Variants in HIVEP3 observed in about 807,000 individuals in gnomAD.
HIVEP3 encodes the protein transcription factor HIVEP3.
HIVEP3 carries 49 observed loss-of-function variants against 152.8 expected under a neutral mutation model. That is an observed-to-expected ratio of 0.32 (90% confidence interval 0.26 to 0.41). The LOEUF is 0.41. HIVEP3 is among the 10% of genes least tolerant of loss of function. The pLI, the probability that HIVEP3 is intolerant of heterozygous loss-of-function variation, is 1.00. For missense variants in HIVEP3, 2,790 were observed against 3,103.3 expected (o/e 0.90, Z 2.40); for synonymous variants, 1,269 against 1,289.0 (o/e 0.98, Z 0.33).
chr1:41,999,426 C>T (rs953437072), intron 1 of HIVEP3, among the ~76,000 whole-genome samples: 2 of 152,022 alleles, frequency 1.3e-5, no homozygotes, highest in Non-Finnish European at 2.9e-5. Context: ...TAATGGGCAC[C>T]TCTCTACAGT....
chr1:41,552,982 G>C (rs1643912652), intron 5 of HIVEP3, among the ~76,000 whole-genome samples: 1 of 152,208 alleles, frequency 6.6e-6, no homozygotes, highest in African/African-American at 2.4e-5. Flanking sequence ...CTGTTGATTT[G>C]GGATGGAGAG....
At chr1:42,016,390 A>G (rs1645523266) in intron 1 of HIVEP3, among the ~76,000 whole-genome samples, 2 of 152,210 alleles carry the variant, frequency 1.3e-5, no homozygotes, top group Admixed American at 6.5e-5. Flanking sequence ...ATATACAGAC[A>G]AAATTTAATA....
chr1:41,602,542 G>A (rs1343027910), intron 3 of HIVEP3, among the ~76,000 whole-genome samples: 1 of 151,982 alleles, frequency 6.6e-6, no homozygotes, highest in African/African-American at 2.4e-5. Context: ...GTTCATAGTA[G>A]TCTCTTATCC....
At chr1:41,568,063 C>T (rs1644194509) in intron 5 of HIVEP3, among the ~76,000 whole-genome samples, 1 of 152,228 alleles carries the variant, frequency 6.6e-6, no homozygotes, top group South Asian at 2.1e-4. Context: ...AGATATTCCC[C>T]AGCACTGCCT....
chr1:41,818,445 T>C (rs1241077672), intron 1 of HIVEP3, among the ~76,000 whole-genome samples: 1 of 152,174 alleles, frequency 6.6e-6, no homozygotes, highest in East Asian at 1.9e-4. Context: ...CTCCCAGATG[T>C]AAATCCCTGG....
At chr1:41,559,461 T>C (rs1301971580) in intron 5 of HIVEP3, among the ~76,000 whole-genome samples, 2 of 152,094 alleles carry the variant, frequency 1.3e-5, no homozygotes, top group East Asian at 3.9e-4. Context: ...CTTTCCTCCT[T>C]TGCTCAGGAT....
Position 41,513,224 on chromosome 1 carries a change from CG to C in HIVEP3, c.5996del (p.Pro1999ArgfsTer189). 2 of 1,613,578 alleles carry C rather than the reference CG, an allele frequency of 1.2e-6. No individual in the cohort carries two copies. Among genetic ancestry groups the C allele is most frequent in the Non-Finnish European group, 1.7e-6 (2 of 1,179,904 alleles). On this transcript the variant is annotated frameshift_variant, in exon 8 of 9. Coordinates refer to ENST00000372583, the MANE Select transcript of HIVEP3 (RefSeq NM_024503.5). LOFTEE classifies it high-confidence loss of function. Reference sequence around the variant, plus strand: ...GGGCTGAGGCCTGTGGTTCTCGGGCCGGGGAGCATCGCTGGGGAGATGAGTC... The same window carrying C: ...GGGCTGAGGCCTGTGGTTCTCGGGCCGGGAGCATCGCTGGGGAGATGAGTC... Reference protein sequence around the residue: ...KNDSSPQRCSPAREPQASAPS... With the variant: ...KNDSSPQRCSXAREPQASAPS...
At chr1:41,526,054 G>T (rs564827100) in intron 5 of HIVEP3, among the ~76,000 whole-genome samples, 1 of 152,182 alleles carries the variant, frequency 6.6e-6, no homozygotes, top group South Asian at 2.1e-4. Flanking sequence ...GCACAGAGGG[G>T]CAGGAGGTGG....
intron 1 of HIVEP3, among the ~76,000 whole-genome samples, chr1:41,801,458 C>T (rs1358264158): frequency 6.6e-6 from 1 of 152,156 alleles, no homozygotes; most frequent in Non-Finnish European, 1.5e-5. Flanking sequence ...CCTGAGAATG[C>T]CCCCCAGGTA....
At chr1:41,520,204 G>A (rs538903293) in intron 6 of HIVEP3, among the ~76,000 whole-genome samples, 15 of 152,280 alleles carry the variant, frequency 9.9e-5, no homozygotes, top group African/African-American at 3.4e-4. Context: ...TTGCTAAGAG[G>A]TTAATGGGGG....
intron 5 of HIVEP3, among the ~76,000 whole-genome samples, chr1:41,561,890 C>G (rs1001925): frequency 6.6e-6 from 1 of 151,928 alleles, no homozygotes; most frequent in Non-Finnish European, 1.5e-5. Context: ...TATGATGTGC[C>G]GTCCACACAT....
At chr1:41,824,784 T>TATATAGAGAGAGAG (rs1553266584) in intron 1 of HIVEP3, among the ~76,000 whole-genome samples, 20 of 11,364 alleles carry the variant, frequency 1.8e-3, no homozygotes, top group Non-Finnish European at 2.3e-3. Context: ...TATATATATA[T>TATATAGAGAGAGAG]AGAGAGAGAG....
At chr1:41,933,974 T>C (rs750549664) in intron 1 of HIVEP3, among the ~76,000 whole-genome samples, 1 of 152,142 alleles carries the variant, frequency 6.6e-6, no homozygotes, top group Non-Finnish European at 1.5e-5. Context: ...TCAGATGTAA[T>C]GGGATTTCAC....
intron 1 of HIVEP3, among the ~76,000 whole-genome samples, chr1:41,881,481 C>T (rs574037710): frequency 4.6e-5 from 7 of 152,242 alleles, no homozygotes; most frequent in East Asian, 3.9e-4. Context: ...GTTCTAAAAA[C>T]GATATGCTGA....
rs1320818999 is a variant in HIVEP3 at position 41,584,311 on chromosome 1, C to T, written c.487G>A (p.Val163Ile). 6.2e-7 allele frequency: 1 copy of T among 1,613,782 alleles called. No homozygotes were observed. Reference protein sequence around the residue: ...PPEDLPGVPKVFVPRPSQVSL... With the variant: ...PPEDLPGVPKIFVPRPSQVSL... ...ACCTGGGAAGGACGAGGCACGAAGA[C>T]TTTGGGGACTCCAGGAAGGTCCTCG... The change falls in exon 4 of 9, where the codon GTC (valine) becomes ATC (isoleucine). Residue 163 changes from valine (V) to isoleucine (I), a missense_variant. Val to Ile is a conservative substitution (Grantham distance 29, BLOSUM62 3). This residue lies in a region of HIVEP3 where 209 missense variants were observed against 237.0 expected (regional missense o/e 0.88). Transcript: ENST00000372583. The surrounding 1 kb of genome is among the most constrained non-coding windows in gnomAD (Gnocchi z 5.2).
At position 41,907,554 on chromosome 1, in the gene HIVEP3, A is replaced by C. The variant is rs1054898324; in HGVS notation, c.-801+10859T>G. ...GCAAAGAAGCAGCAGTAATGGGAAA[A>C]GAACGTGAGACTGGCACGGTTCCCT... On this transcript the variant is annotated intron_variant, in intron 1 of 8. Transcript: ENST00000372583. Among the ~76,000 whole-genome samples, 4 of 152,326 alleles carry C rather than the reference A, an allele frequency of 2.6e-5. No homozygotes were observed. The East Asian group carries it at 7.7e-4, about 29-fold the overall frequency.
intron 2 of HIVEP3, among the ~76,000 whole-genome samples, chr1:41,653,234 G>A (rs1645578324): frequency 6.6e-6 from 1 of 151,508 alleles, no homozygotes; most frequent in Admixed American, 6.6e-5. Context: ...GTGTGTGTAT[G>A]TACATAACAT....
intron 1 of HIVEP3, among the ~76,000 whole-genome samples, chr1:41,957,353 A>G (rs926526603): frequency 1.3e-5 from 2 of 152,246 alleles, no homozygotes; most frequent in Non-Finnish European, 2.9e-5. Flanking sequence ...AGACACTGCT[A>G]AACAAGTAGG....
intron 1 of HIVEP3, among the ~76,000 whole-genome samples, chr1:41,735,618 A>G (rs1196452353): frequency 1.3e-5 from 2 of 151,810 alleles, no homozygotes; most frequent in Non-Finnish European, 2.9e-5. Context: ...TTTCTCCCCT[A>G]TGGCTGGCAG....
Sources: gnomAD v4.1 joint callset for allele counts (sites outside exome capture counted in the v4.1 genomes callset) on GRCh38, gnomAD v4.1.1 for gene constraint, gnomAD v4.1.1 regional missense constraint, Gnocchi (gnomAD v3.1) non-coding constraint, MANE v1.5 for transcripts, NCBI Gene and HGNC (gene_info 2026-07-23, HGNC 2026-07-21) for gene names.